The following GPR176 variants were observed in gnomAD, a reference collection of about 807,000 sequenced individuals.
The protein encoded by GPR176 is G-protein coupled receptor 176.
A neutral mutation model predicts 35.4 loss-of-function variants in GPR176; 26 were observed. That is an observed-to-expected ratio of 0.74 (90% CI 0.54 to 1.02). The LOEUF is 1.02. Ranked by LOEUF, GPR176 falls within the 50% of genes least tolerant of loss-of-function variation. GPR176 has a pLI of 0.00. For synonymous variants in GPR176, 278 were observed against 271.3 expected (o/e 1.02, Z -0.24); for missense variants, 597 against 665.3 (o/e 0.90, Z 1.13).
intron 1 of GPR176, among the ~76,000 whole-genome samples, chr15:39,850,826 T>C (rs772837232): frequency 3.9e-5 from 6 of 151,930 alleles, no homozygotes; most frequent in Non-Finnish European, 8.8e-5. Flanking sequence ...AAAATCATCC[T>C]GTCAGCTGTG....
At chr15:39,907,887 A>C (rs2033468095) in intron 1 of GPR176, among the ~76,000 whole-genome samples, 2 of 152,220 alleles carry the variant, frequency 1.3e-5, no homozygotes, top group Non-Finnish European at 2.9e-5. Flanking sequence ...CAGGAGGCTG[A>C]GGCAGAAGAA....
chr15:39,840,418 C>T (rs1340997236), intron 1 of GPR176, among the ~76,000 whole-genome samples: 2 of 151,880 alleles, frequency 1.3e-5, no homozygotes, highest in African/African-American at 2.4e-5. Context: ...CACTCATAGG[C>T]GGGAATTGAA....
intron 1 of GPR176, among the ~76,000 whole-genome samples, chr15:39,832,617 A>G (rs1901161525): frequency 6.6e-6 from 1 of 151,562 alleles, no homozygotes; most frequent in South Asian, 2.1e-4. Context: ...TGGGCCACAC[A>G]TAAAACATGC....
chr15:39,879,098 GA>G, intron 1 of GPR176, among the ~76,000 whole-genome samples: 1 of 152,222 alleles, frequency 6.6e-6, no homozygotes, highest in Non-Finnish European at 1.5e-5. Context: ...TTTAATGGAA[GA>G]AAACTAGAGA....
At chr15:39,842,301 G>A (rs1023975485) in intron 1 of GPR176, among the ~76,000 whole-genome samples, 1 of 151,760 alleles carries the variant, frequency 6.6e-6, no homozygotes, top group African/African-American at 2.4e-5. Context: ...GAGTGAAGTG[G>A]GGAGTGCTGC....
intron 1 of GPR176, among the ~76,000 whole-genome samples, chr15:39,835,957 T>C (rs941118757): frequency 9.2e-5 from 14 of 152,108 alleles, no homozygotes; most frequent in African/African-American, 2.9e-4. Flanking sequence ...TATCCAGGCA[T>C]GGTGGCACAT....
chr15:39,799,469 C>T lies in GPR176; in HGVS notation c.*1663G>A, dbSNP rs951212712. 1 of 152,220 alleles carries T rather than the reference C, an allele frequency of 6.6e-6. No individual in the cohort carries two copies. The highest frequency in any genetic ancestry group is 1.5e-5 in the Non-Finnish European group (1 of 68,056). 9.4% of individuals were successfully genotyped at this position (152,220 alleles called of 1,614,324 possible). On this transcript the variant is annotated 3_prime_UTR_variant, in exon 3 of 3. Transcript: ENST00000561100. ...ACACAAAGAGGAAGGTGCTTCCTCT[C>T]CAGGGGTAGGGTCTTTGGGTTCACA...
intron 1 of GPR176, chr15:39,807,721 A>G: frequency 1.7e-6 from 1 of 598,492 alleles, no homozygotes. Flanking sequence ...GATTTTAATA[A>G]TATTTTTTAT....
intron 1 of GPR176, among the ~76,000 whole-genome samples, chr15:39,916,855 G>C (rs1242222562): frequency 1.3e-5 from 2 of 152,122 alleles, no homozygotes; most frequent in African/African-American, 4.8e-5. Flanking sequence ...TGCTTCCCAA[G>C]TTTTCTTGCC....
intron 1 of GPR176, among the ~76,000 whole-genome samples, chr15:39,913,730 A>G (rs1195925430): frequency 1.3e-5 from 2 of 152,170 alleles, no homozygotes; most frequent in Non-Finnish European, 2.9e-5. Flanking sequence ...TAGTGGTTGC[A>G]CTACTTTGTG....
chr15:39,881,771 C>T (rs2032485132), intron 1 of GPR176, among the ~76,000 whole-genome samples: 1 of 152,140 alleles, frequency 6.6e-6, no homozygotes, highest in Non-Finnish European at 1.5e-5. Flanking sequence ...AATATAGCAA[C>T]AAAAATCCTA....
chr15:39,844,326 C>T (rs1046884820), intron 1 of GPR176, among the ~76,000 whole-genome samples: 3 of 152,084 alleles, frequency 2.0e-5, no homozygotes, highest in South Asian at 2.1e-4. Flanking sequence ...TGCTCCCAGA[C>T]GGTCTTGAAA....
intron 1 of GPR176, among the ~76,000 whole-genome samples, chr15:39,857,887 C>G (rs1221461586): frequency 6.7e-6 from 1 of 149,452 alleles, no homozygotes; most frequent in Non-Finnish European, 1.5e-5. Context: ...AGGAGAATGG[C>G]GTGAACCTGG....
chr15:39,840,391 C>T (rs1239155363), intron 1 of GPR176, among the ~76,000 whole-genome samples: 2 of 152,080 alleles, frequency 1.3e-5, no homozygotes, highest in East Asian at 3.9e-4. Flanking sequence ...GACAGAAAAC[C>T]AAACACCGCA....
intron 1 of GPR176, among the ~76,000 whole-genome samples, chr15:39,872,739 C>A (rs1274334489): frequency 6.6e-6 from 1 of 152,098 alleles, no homozygotes; most frequent in African/African-American, 2.4e-5. Context: ...AGGTGCCACA[C>A]GTACCTTTAA....
At chr15:39,853,456 G>A (rs76509115) in intron 1 of GPR176, among the ~76,000 whole-genome samples, 9,027 of 152,184 alleles carry the variant, frequency 0.059, 383 homozygotes, top group Non-Finnish European at 0.093. Flanking sequence ...TTGCAGTTTC[G>A]CAAGACGAAA....
chr15:39,843,398 C>T (rs1419333700), intron 1 of GPR176, among the ~76,000 whole-genome samples: 2 of 152,102 alleles, frequency 1.3e-5, no homozygotes, highest in African/African-American at 4.8e-5. Flanking sequence ...ATTATCCAGA[C>T]ACTCACACCC....
intron 1 of GPR176, among the ~76,000 whole-genome samples, chr15:39,841,056 G>A (rs771448094): frequency 6.6e-6 from 1 of 152,056 alleles, no homozygotes; most frequent in Non-Finnish European, 1.5e-5. Flanking sequence ...GCTGCCCTGG[G>A]TCCTCATGCA....
intron 1 of GPR176, among the ~76,000 whole-genome samples, chr15:39,849,698 C>A (rs998493088): frequency 1.3e-5 from 2 of 152,076 alleles, no homozygotes; most frequent in Non-Finnish European, 2.9e-5. Flanking sequence ...ATTTTAACAC[C>A]TATTCATACA....
Sources: allele counts gnomAD v4.1 joint callset (sites outside exome capture counted in the v4.1 genomes callset), GRCh38; gene constraint gnomAD v4.1.1; transcripts MANE v1.5; gene names NCBI Gene and HGNC (gene_info 2026-07-23, HGNC 2026-07-21).